The following SKAP2 variants were observed in gnomAD, a reference collection of about 807,000 sequenced individuals.
SKAP2 encodes src kinase associated phosphoprotein 2.
Under a neutral mutation model 54.9 loss-of-function variants are expected in SKAP2, and 28 were observed. That is an observed-to-expected ratio of 0.51 (90% CI 0.38 to 0.70). The LOEUF is 0.70. Among genes scored for constraint, SKAP2 ranks in the 30% least tolerant of loss-of-function variants. The pLI, the probability that SKAP2 is intolerant of heterozygous loss-of-function variation, is 0.00. For synonymous variants in SKAP2, 137 were observed against 134.3 expected, an observed-to-expected ratio of 1.02 and a Z score of -0.14; for missense variants, 356 against 424.1, an observed-to-expected ratio of 0.84 and a Z score of 1.41.
At chr7:26,739,528 T>C (rs1404067630) in intron 5 of SKAP2, among the ~76,000 whole-genome samples, 3 of 152,202 alleles carry the variant, frequency 2.0e-5, no homozygotes, top group African/African-American at 7.2e-5. Flanking sequence ...CCATGGTGCA[T>C]GCCAGTTTGG....
intron 6 of SKAP2, among the ~76,000 whole-genome samples, chr7:26,733,118 G>A (rs1327843999): frequency 6.7e-5 from 10 of 150,192 alleles, no homozygotes; most frequent in Admixed American, 3.3e-4. Context: ...GCAACAGAGC[G>A]AGACCCCGTC....
chr7:26,701,982 G>A (rs528074504), intron 9 of SKAP2, among the ~76,000 whole-genome samples: 1 of 151,948 alleles, frequency 6.6e-6, no homozygotes, highest in African/African-American at 2.4e-5. Context: ...ATGTGTGTGG[G>A]TAATGGGCAG....
At chr7:26,780,679 A>G (rs1402856973) in intron 4 of SKAP2, among the ~76,000 whole-genome samples, 1 of 152,134 alleles carries the variant, frequency 6.6e-6, no homozygotes, top group African/African-American at 2.4e-5. Context: ...GTGGTAAGCT[A>G]GTTTGCCCAT....
chr7:26,771,875 T>C (rs1249198932), intron 4 of SKAP2, among the ~76,000 whole-genome samples: 2 of 152,152 alleles, frequency 1.3e-5, no homozygotes. Context: ...CAAGAGAAAG[T>C]TATACTGAAT....
chr7:26,766,262 GCTCT>G (rs781329206), intron 4 of SKAP2, among the ~76,000 whole-genome samples: 3 of 151,954 alleles, frequency 2.0e-5, no homozygotes, highest in South Asian at 2.1e-4. Flanking sequence ...TCATGATTTG[GCTCT>G]CTGTTTGTCT....
rs3801838 is a variant in SKAP2 at position 26,811,728 on chromosome 7, A to C, written c.307+32302T>G. 1.8e-4 allele frequency among the ~76,000 whole-genome samples: 27 copies of C among 152,350 alleles called. No homozygotes were observed. In the East Asian group the frequency reaches 5.2e-3, roughly 29 times the overall value. On this transcript the variant is annotated intron_variant, in intron 4 of 12. Transcript: ENST00000345317. The stretch of plus-strand genomic sequence containing the variant: ...TGTATCCCAAAATAAGAAACTGTTA[A>C]GCTATTAAAAGAGAAGAAAAGGGCA...
At chr7:26,691,599 T>C (rs550659619) in intron 9 of SKAP2, among the ~76,000 whole-genome samples, 12 of 152,204 alleles carry the variant, frequency 7.9e-5, no homozygotes, top group Non-Finnish European at 1.5e-4. Flanking sequence ...CACAGGAAGC[T>C]GACAGCACAG....
chr7:26,852,310 C>T (rs1785061354), intron 3 of SKAP2, among the ~76,000 whole-genome samples: 1 of 152,142 alleles, frequency 6.6e-6, no homozygotes, highest in African/African-American at 2.4e-5. Flanking sequence ...ACTATTAGGT[C>T]TGTACCCTTT....
intron 9 of SKAP2, among the ~76,000 whole-genome samples, chr7:26,709,856 A>G (rs1387038841): frequency 6.6e-6 from 1 of 152,154 alleles, no homozygotes; most frequent in African/African-American, 2.4e-5. Context: ...TAGATGATTT[A>G]TCTTTAATGG....
intron 3 of SKAP2, chr7:26,848,134 G>A (rs1226649306): frequency 3.9e-5 from 6 of 152,186 alleles, no homozygotes; most frequent in African/African-American, 1.4e-4. Flanking sequence ...TTTCTGATAT[G>A]GTTCATTATC....
chr7:26,761,569 A>G (rs1204611300), intron 4 of SKAP2, among the ~76,000 whole-genome samples: 1 of 152,220 alleles, frequency 6.6e-6, no homozygotes, highest in Non-Finnish European at 1.5e-5. Flanking sequence ...AAGGAAGCTG[A>G]GGCACAGAAT....
intron 4 of SKAP2, among the ~76,000 whole-genome samples, chr7:26,794,944 T>G (rs115595538): frequency 0.05 from 7,680 of 152,302 alleles, 635 homozygotes; most frequent in African/African-American, 0.17. Context: ...ATGTCTCGTT[T>G]GCTGGCTCTG....
chr7:26,759,735 A>G (rs909999797), intron 4 of SKAP2, among the ~76,000 whole-genome samples: 9 of 152,114 alleles, frequency 5.9e-5, no homozygotes, highest in African/African-American at 2.2e-4. Flanking sequence ...GGTTTGAACA[A>G]GTTTTGTTGA....
chr7:26,729,647 T>C (rs540345010), intron 6 of SKAP2, among the ~76,000 whole-genome samples: 18 of 151,994 alleles, frequency 1.2e-4, no homozygotes, highest in Non-Finnish European at 1.9e-4. Context: ...ACTAACATTG[T>C]GGAAAATCAG....
intron 4 of SKAP2, among the ~76,000 whole-genome samples, chr7:26,815,613 G>T (rs556263819): frequency 1.3e-5 from 2 of 152,244 alleles, no homozygotes; most frequent in East Asian, 3.9e-4. Context: ...TAAGTCTACA[G>T]ATTGGCAGTT....
chr7:26,758,248 T>C (rs1782843170), intron 4 of SKAP2, among the ~76,000 whole-genome samples: 1 of 150,500 alleles, frequency 6.6e-6, no homozygotes, highest in South Asian at 2.1e-4. Flanking sequence ...GTTATAAGCA[T>C]GTACTATACA....
intron 4 of SKAP2, among the ~76,000 whole-genome samples, chr7:26,786,175 A>C (rs1783540844): frequency 6.6e-6 from 1 of 152,162 alleles, no homozygotes; most frequent in African/African-American, 2.4e-5. Flanking sequence ...AAGATGGGGG[A>C]AATTAGGACC....
At chr7:26,707,908 C>T (rs992252980) in intron 9 of SKAP2, among the ~76,000 whole-genome samples, 18 of 152,150 alleles carry the variant, frequency 1.2e-4, no homozygotes, top group African/African-American at 4.3e-4. Context: ...TTTCAAAACT[C>T]CTGGGGTTCT....
chr7:26,847,797 C>T (rs1784956806), intron 3 of SKAP2, among the ~76,000 whole-genome samples: 1 of 152,136 alleles, frequency 6.6e-6, no homozygotes, highest in Admixed American at 6.5e-5. Flanking sequence ...TTTAAAAATA[C>T]TTCTTTGTAA....
Sources: allele counts gnomAD v4.1 joint callset (sites outside exome capture counted in the v4.1 genomes callset), GRCh38; gene constraint gnomAD v4.1.1; transcripts MANE v1.5; gene names NCBI Gene and HGNC (gene_info 2026-07-23, HGNC 2026-07-21).